Variants in DPP10 observed in about 807,000 individuals in gnomAD.
DPP10 encodes dipeptidyl peptidase like 10.
DPP10 carries 33 observed loss-of-function variants against 120.9 expected under a neutral mutation model. The observed-to-expected ratio is 0.27, with a 90% CI of 0.21 to 0.37. DPP10 has a LOEUF of 0.37. Ranked by LOEUF, DPP10 falls within the 10% of genes least tolerant of loss-of-function variation. The probability of loss-of-function intolerance (pLI) is 1.00; values close to 1 mark genes in which losing one functional copy is unlikely to be tolerated. For missense variants in DPP10, 816 were observed against 942.8 expected (o/e 0.87, Z 1.76); for synonymous variants, 337 against 326.1 (o/e 1.03, Z -0.36).
At chr2:114,927,874 G>T (rs904782995) in intron 1 of DPP10, among the ~76,000 whole-genome samples, 9 of 152,200 alleles carry the variant, frequency 5.9e-5, no homozygotes, top group Non-Finnish European at 1.0e-4. Flanking sequence ...GCAAAGGGGA[G>T]CCAGTATGTG....
At chr2:114,584,821 C>T (rs973767002) in intron 1 of DPP10, among the ~76,000 whole-genome samples, 1 of 151,832 alleles carries the variant, frequency 6.6e-6, no homozygotes, top group East Asian at 1.9e-4. Flanking sequence ...AAATGTGAAC[C>T]ATCAGGAAAC....
chr2:115,122,449 G>A (rs1008015011), intron 1 of DPP10, among the ~76,000 whole-genome samples: 3 of 152,190 alleles, frequency 2.0e-5, no homozygotes, highest in Non-Finnish European at 4.4e-5. Flanking sequence ...TCTTATGCCT[G>A]TGGCCTTGGG....
rs570306301 is a variant in DPP10 at position 115,689,618 on chromosome 2, A to G, written c.442-69A>G. The G allele has an allele frequency of 4.0e-4, 401 of 999,608 alleles. 6 individuals carry two copies. The South Asian group carries it at 6.6e-3, about 16-fold the overall frequency. 61.9% of individuals were successfully genotyped at this position (999,608 alleles called of 1,614,324 possible). On this transcript the variant is annotated intron_variant, in intron 5 of 25. Transcript: ENST00000410059. ...ATTCTTGGATTACCTGGATGTTACTAAGAATATATATACATATATTCACAT... is the reference window on the plus strand; with the variant it reads ...ATTCTTGGATTACCTGGATGTTACTGAGAATATATATACATATATTCACAT...
At chr2:114,939,258 G>A (rs1240670561) in intron 1 of DPP10, among the ~76,000 whole-genome samples, 1 of 151,950 alleles carries the variant, frequency 6.6e-6, no homozygotes, top group Non-Finnish European at 1.5e-5. Flanking sequence ...GGAGGAGGAA[G>A]AGCAGGTGTT....
At chr2:114,876,189 G>A (rs950919363) in intron 1 of DPP10, among the ~76,000 whole-genome samples, 5 of 152,008 alleles carry the variant, frequency 3.3e-5, no homozygotes, top group African/African-American at 9.7e-5. Context: ...TCTCTATAAC[G>A]ATCCTCTAAG....
intron 3 of DPP10, among the ~76,000 whole-genome samples, chr2:115,448,661 T>A (rs1266723035): frequency 6.6e-6 from 1 of 152,174 alleles, no homozygotes; most frequent in Non-Finnish European, 1.5e-5. Context: ...TAAAATATTA[T>A]GTGTAATGAA....
At chr2:114,890,261 G>T (rs1692430619) in intron 1 of DPP10, among the ~76,000 whole-genome samples, 1 of 152,150 alleles carries the variant, frequency 6.6e-6, no homozygotes, top group African/African-American at 2.4e-5. Flanking sequence ...GTTTTTGTGT[G>T]CTACAAGGCA....
At chr2:114,950,281 A>G (rs1263933347) in intron 1 of DPP10, among the ~76,000 whole-genome samples, 2 of 144,010 alleles carry the variant, frequency 1.4e-5, no homozygotes, top group African/African-American at 5.1e-5. Flanking sequence ...AAATAATGAG[A>G]CCACACCTTG....
At chr2:115,436,377 A>G (rs866200672) in intron 3 of DPP10, among the ~76,000 whole-genome samples, 10 of 147,342 alleles carry the variant, frequency 6.8e-5, no homozygotes, top group Non-Finnish European at 1.4e-4. Context: ...TTTTAAATCT[A>G]GAGACAAGCA....
At chr2:115,795,091 C>A (rs1684395242) in intron 19 of DPP10, among the ~76,000 whole-genome samples, 1 of 152,162 alleles carries the variant, frequency 6.6e-6, no homozygotes, top group Admixed American at 6.6e-5. Flanking sequence ...AAATGCCCTG[C>A]ACTTGCAGAC....
At chr2:115,479,907 C>G (rs545940168) in intron 3 of DPP10, among the ~76,000 whole-genome samples, 2 of 152,244 alleles carry the variant, frequency 1.3e-5, no homozygotes, top group South Asian at 2.1e-4. Context: ...TGGCATGCAC[C>G]TTGCAGGGGA....
intron 1 of DPP10, among the ~76,000 whole-genome samples, chr2:114,514,882 T>C (rs887353056): frequency 2.6e-5 from 4 of 151,974 alleles, no homozygotes; most frequent in African/African-American, 9.7e-5. Flanking sequence ...AGTTACCCAT[T>C]ACTCCTATTG....
chr2:115,825,641 C>A (rs1381533165), intron 21 of DPP10, among the ~76,000 whole-genome samples: 1 of 152,166 alleles, frequency 6.6e-6, no homozygotes, highest in Non-Finnish European at 1.5e-5. Context: ...GTCTTTACCT[C>A]AATTTCACAC....
At chr2:115,042,866 A>G (rs1704771625) in intron 1 of DPP10, among the ~76,000 whole-genome samples, 1 of 152,184 alleles carries the variant, frequency 6.6e-6, no homozygotes, top group African/African-American at 2.4e-5. Context: ...ATCATTTTGA[A>G]GTTGCAGCTA....
At chr2:115,685,162 T>C (rs2090915201) in intron 5 of DPP10, among the ~76,000 whole-genome samples, 1 of 151,958 alleles carries the variant, frequency 6.6e-6, no homozygotes, top group Non-Finnish European at 1.5e-5. Flanking sequence ...TTGAGGTTGA[T>C]TTAAATGTTA....
chr2:114,793,195 C>T (rs113276353), intron 1 of DPP10, among the ~76,000 whole-genome samples: 11 of 152,140 alleles, frequency 7.2e-5, no homozygotes, highest in African/African-American at 2.4e-4. Context: ...ATGTGCAGAA[C>T]GTGAAGCCTT....
At chr2:115,713,011 T>G (rs1342040109) in intron 7 of DPP10, among the ~76,000 whole-genome samples, 1 of 152,082 alleles carries the variant, frequency 6.6e-6, no homozygotes, top group East Asian at 1.9e-4. Context: ...ATGATGCCTA[T>G]TAGAATTTTT....
chr2:115,447,206 C>T (rs1574872780), intron 3 of DPP10, among the ~76,000 whole-genome samples: 1 of 152,160 alleles, frequency 6.6e-6, no homozygotes, highest in Non-Finnish European at 1.5e-5. Context: ...AGGATGGGGG[C>T]CTGTAGCCCC....
At chr2:114,851,981 G>T (rs1688976585) in intron 1 of DPP10, among the ~76,000 whole-genome samples, 1 of 151,862 alleles carries the variant, frequency 6.6e-6, no homozygotes, top group Admixed American at 6.6e-5. Context: ...AAAGGCTGTT[G>T]AGGCCTATAG....
Sources: allele counts gnomAD v4.1 joint callset (sites outside exome capture counted in the v4.1 genomes callset), GRCh38; gene constraint gnomAD v4.1.1; transcripts MANE v1.5; gene names NCBI Gene and HGNC (gene_info 2026-07-23, HGNC 2026-07-21).